Variants in STAMBP observed in about 807,000 individuals in gnomAD.
STAMBP encodes STAM binding protein, also known as STAM-binding protein.
A neutral mutation model predicts 50.7 loss-of-function variants in STAMBP; 31 were observed. The ratio of observed to expected loss-of-function variants is 0.61; its 90% CI spans 0.46 to 0.83. STAMBP has a LOEUF of 0.83. STAMBP is among the 40% of genes least tolerant of loss of function. STAMBP has a pLI of 0.00. For missense variants in STAMBP, 472 were observed against 518.9 expected (o/e 0.91, Z 0.88); for synonymous variants, 211 against 192.4 (o/e 1.10, Z -0.80).
Position 73,849,506 on chromosome 2 carries a change from C to T in STAMBP, c.867+19C>T. The T allele has an allele frequency of 6.4e-7, 1 of 1,568,762 alleles. No individual in the cohort carries two copies. On this transcript the variant is annotated intron_variant, in intron 6 of 9. Coordinates refer to ENST00000394070, the MANE Select transcript of STAMBP (RefSeq NM_213622.4). Reference sequence around the variant, plus strand: ...AAAACTGGTAAAAAGAAAAAAAAAACCAAACTCTTCTCTGAACCGAAACTG... The same window carrying T: ...AAAACTGGTAAAAAGAAAAAAAAAATCAAACTCTTCTCTGAACCGAAACTG...
chr2:73,860,166 A>T lies in STAMBP; in HGVS notation c.1218+15A>T. 1 of 1,603,544 alleles carries T rather than the reference A, an allele frequency of 6.2e-7. No individual in the cohort carries two copies. Among genetic ancestry groups the T allele is most frequent in the South Asian group, 1.1e-5 (1 of 90,358 alleles). ...CTCTGTTCTGTGTACGTATCTATGT[A>T]AAAGAAAATGGGGCTATGCTTCAAG... is the stretch of plus-strand genomic sequence containing the variant. On this transcript the variant is annotated intron_variant, in intron 9 of 9. Transcript: ENST00000394070.
intron 7 of STAMBP, chr2:73,855,519 C>T (rs532907442): frequency 1.8e-5 from 8 of 443,334 alleles, no homozygotes; most frequent in Middle Eastern, 3.4e-4. Flanking sequence ...TGGCTACCCA[C>T]GTTTGCTCCC....
intron 2 of STAMBP, among the ~76,000 whole-genome samples, chr2:73,839,084 C>A (rs1357111192): frequency 6.6e-6 from 1 of 152,200 alleles, no homozygotes; most frequent in Non-Finnish European, 1.5e-5. Flanking sequence ...TCTGCCTCCC[C>A]TACTACTGAG....
chr2:73,848,764 G>T (rs1383593137), intron 5 of STAMBP, among the ~76,000 whole-genome samples: 1 of 152,180 alleles, frequency 6.6e-6, no homozygotes, highest in African/African-American at 2.4e-5. Context: ...TCCAAAACAT[G>T]AACTTTGGGA....
At chr2:73,840,766 CA>C (rs564265475) in intron 2 of STAMBP, among the ~76,000 whole-genome samples, 2,040 of 146,710 alleles carry the variant, frequency 0.014, 25 homozygotes, top group Non-Finnish European at 0.022. Flanking sequence ...ATAAATAAAT[CA>C]AAAAAAAAAT....
intron 8 of STAMBP, 64 bp from the exon 9 acceptor site, chr2:73,859,988 T>TGCA: frequency 1.8e-6 from 2 of 1,138,104 alleles, no homozygotes; most frequent in Non-Finnish European, 2.7e-6. Context: ...TGTGTGTGCG[T>TGCA]GCATATGTTT....
intron 10 of STAMBP, among the ~76,000 whole-genome samples, chr2:73,872,735 A>G (rs573244849): frequency 6.6e-6 from 1 of 152,334 alleles, no homozygotes; most frequent in South Asian, 2.1e-4. Context: ...TGCCTACTAA[A>G]TTCAAGTCCC....
intron 2 of STAMBP, among the ~76,000 whole-genome samples, chr2:73,832,201 TC>T (rs1192762001): frequency 1.3e-5 from 2 of 150,978 alleles, no homozygotes; most frequent in Non-Finnish European, 2.9e-5. Context: ...TCGCCTGTAA[TC>T]CCAGCACTTT....
In STAMBP at chr2:73,830,999, C is replaced by A; in HGVS notation, c.143C>A (p.Ser48Tyr). 1 of 1,614,230 alleles carries A rather than the reference C, an allele frequency of 6.2e-7. No homozygotes were observed. Residue 48 changes from serine (S) to tyrosine (Y), a missense_variant, in exon 2 of 10, where the codon TCC (serine) becomes TAC (tyrosine). Coordinates refer to ENST00000394070, the MANE Select transcript of STAMBP (RefSeq NM_213622.4). ...RSGVEIIRMA[S>Y]IYSEEGNIEH... The stretch of plus-strand genomic sequence containing the variant: ...GGAGTTGAGATTATCCGAATGGCAT[C>A]CATTTACTCTGAGGAAGGCAACATT...
chr2:73,859,353 C>A lies in STAMBP; in HGVS notation c.1105C>A (p.Pro369Thr), dbSNP rs761073632. 2 of 1,613,880 alleles carry A rather than the reference C, an allele frequency of 1.2e-6. No individual in the cohort carries two copies. Among genetic ancestry groups the A allele is most frequent in the African/African-American group, 2.7e-5 (2 of 74,888 alleles). Reference protein sequence around the residue: ...LPESVAIVCSPKFQETGFFKL... With the variant: ...LPESVAIVCSTKFQETGFFKL... ...AGAGTCAGTAGCCATTGTTTGCTCC[C>A]CCAAGTTCCAGGAGTGAGTATAGAG... Residue 369 changes from proline (P) to threonine (T), a missense_variant, in exon 8 of 10, where the codon CCC (proline) becomes ACC (threonine). Transcript: ENST00000394070.
chr2:73,832,507 AACCCTC>A (rs1365856006), intron 2 of STAMBP, among the ~76,000 whole-genome samples: 1 of 151,868 alleles, frequency 6.6e-6, no homozygotes, highest in Non-Finnish European at 1.5e-5. Flanking sequence ...TTTCCCCCCA[AACCCTC>A]AGTGCTTCTC....
chr2:73,859,975 G>A, intron 8 of STAMBP, 77 bp from the exon 9 acceptor site: 1 of 959,658 alleles, frequency 1.0e-6, no homozygotes, highest in Non-Finnish European at 1.7e-6. Context: ...GTGCATGCTG[G>A]TGTGTGTGTG....
At chr2:73,831,411 C>A (rs1423666013) in intron 2 of STAMBP, among the ~76,000 whole-genome samples, 2 of 152,190 alleles carry the variant, frequency 1.3e-5, no homozygotes, top group East Asian at 3.8e-4. Flanking sequence ...TGGGGTCTAG[C>A]AGAGCCAAAA....
rs771838720 is a variant in STAMBP at position 73,850,262 on chromosome 2, G to T, written c.868-114G>T. Reference sequence around the variant, plus strand: ...ACCACTGAGTGGCAGGACTCCTGCTGTGTGGGAAGGGCTTTCACTTGTATA... The same window carrying T: ...ACCACTGAGTGGCAGGACTCCTGCTTTGTGGGAAGGGCTTTCACTTGTATA... On this transcript the variant is annotated intron_variant, in intron 6 of 9. Transcript: ENST00000394070. The surrounding 1 kb of genome is among the most constrained non-coding windows in gnomAD (Gnocchi z 4.3). 23 of 1,368,254 alleles carry T rather than the reference G, an allele frequency of 1.7e-5. No homozygotes were observed. The Middle Eastern group carries it at 7.4e-4, about 44-fold the overall frequency. 84.8% of individuals were successfully genotyped at this position (1,368,254 alleles called of 1,614,324 possible).
chr2:73,835,441 C>T (rs1425887675), intron 2 of STAMBP, among the ~76,000 whole-genome samples: 1 of 152,010 alleles, frequency 6.6e-6, no homozygotes, highest in African/African-American at 2.4e-5. Context: ...ATCTCAGCCT[C>T]CCAAAGTGCT....
intron 2 of STAMBP, among the ~76,000 whole-genome samples, chr2:73,843,957 A>C (rs1374326860): frequency 2.0e-5 from 3 of 152,386 alleles, no homozygotes; most frequent in African/African-American, 7.2e-5. Context: ...TAGACATTCC[A>C]GAATCCGTAT....
chr2:73,831,387 C>T (rs75060133), intron 2 of STAMBP, among the ~76,000 whole-genome samples: 7,422 of 152,270 alleles, frequency 0.049, 330 homozygotes, highest in African/African-American at 0.1. Flanking sequence ...AGCAGCCAAT[C>T]ATAGGATTAT....
chr2:73,833,055 A>G (rs903042851), intron 2 of STAMBP, among the ~76,000 whole-genome samples: 32 of 152,330 alleles, frequency 2.1e-4, no homozygotes, highest in African/African-American at 6.7e-4. Flanking sequence ...GTTCCACCCC[A>G]TAGTGGAGGT....
At chr2:73,841,899 C>A (rs980332952) in intron 2 of STAMBP, among the ~76,000 whole-genome samples, 1 of 152,190 alleles carries the variant, frequency 6.6e-6, no homozygotes, top group Non-Finnish European at 1.5e-5. Context: ...ATTCAGAAAA[C>A]TGGCTACAGT....
Sources: gnomAD v4.1 joint callset for allele counts (sites outside exome capture counted in the v4.1 genomes callset) on GRCh38, gnomAD v4.1.1 for gene constraint, Gnocchi (gnomAD v3.1) non-coding constraint, MANE v1.5 for transcripts, NCBI Gene and HGNC (gene_info 2026-07-23, HGNC 2026-07-21) for gene names.